The following ECT2 variants were observed in gnomAD, a reference collection of about 807,000 sequenced individuals.
ECT2 encodes epithelial cell transforming 2, also known as protein ECT2.
A neutral mutation model predicts 116.9 loss-of-function variants in ECT2; 61 were observed. That is an observed-to-expected ratio of 0.52 (90% CI 0.42 to 0.65). The LOEUF (loss-of-function observed/expected upper bound fraction) is 0.65. ECT2 is among the 30% of genes least tolerant of loss of function. ECT2 has a pLI of 0.00. For missense variants in ECT2, 937 were observed against 1,078.7 expected, an observed-to-expected ratio of 0.87 and a Z score of 1.84; for synonymous variants, 358 against 346.4, an observed-to-expected ratio of 1.03 and a Z score of -0.37.
At chr3:172,804,678 T>A (rs1727356684) in intron 20 of ECT2, among the ~76,000 whole-genome samples, 1 of 152,238 alleles carries the variant, frequency 6.6e-6, no homozygotes, top group African/African-American at 2.4e-5. Context: ...GGTTAGATTA[T>A]CTTTATTTCT....
intron 23 of ECT2, among the ~76,000 whole-genome samples, chr3:172,816,137 G>T (rs1323297855): frequency 6.6e-6 from 1 of 152,048 alleles, no homozygotes; most frequent in Non-Finnish European, 1.5e-5. Context: ...AGTTGTTGAG[G>T]ATTACATAAG....
chr3:172,785,091 G>A (rs1178658026), intron 17 of ECT2, among the ~76,000 whole-genome samples: 3 of 151,926 alleles, frequency 2.0e-5, no homozygotes, highest in African/African-American at 7.3e-5. Flanking sequence ...TTATATCCAA[G>A]TACATACAAA....
At chr3:172,758,455 C>T (rs554044654) in intron 5 of ECT2, among the ~76,000 whole-genome samples, 3 of 111,844 alleles carry the variant, frequency 2.7e-5, no homozygotes, top group Admixed American at 1.0e-4. Flanking sequence ...TATTTTTAAA[C>T]CGTTCTCTTT....
chr3:172,817,313 C>CTG (rs779611608), intron 24 of ECT2, among the ~76,000 whole-genome samples: 3 of 152,086 alleles, frequency 2.0e-5, no homozygotes, highest in Non-Finnish European at 2.9e-5. Flanking sequence ...GTAAAGGCAA[C>CTG]TGAGAAAACC....
chr3:172,771,202 T>C (rs1317761735), intron 13 of ECT2: 2 of 152,202 alleles, frequency 1.3e-5, no homozygotes, highest in African/African-American at 4.8e-5. Flanking sequence ...ATCATTTTCC[T>C]TAAAGATGAC....
At chr3:172,771,438 T>A (rs1292955647) in intron 13 of ECT2, 2 of 152,190 alleles carry the variant, frequency 1.3e-5, no homozygotes, top group Non-Finnish European at 2.9e-5. Flanking sequence ...ATATGATTGG[T>A]ACAAGTAGAG....
chr3:172,787,913 C>T (rs1204533927), intron 18 of ECT2, among the ~76,000 whole-genome samples: 2 of 152,116 alleles, frequency 1.3e-5, no homozygotes, highest in Non-Finnish European at 2.9e-5. Flanking sequence ...ATAGATTAGT[C>T]ATTTGACCTG....
chr3:172,775,859 C>T (rs1396902767), intron 14 of ECT2, among the ~76,000 whole-genome samples: 4 of 151,980 alleles, frequency 2.6e-5, no homozygotes, highest in African/African-American at 9.7e-5. Context: ...GTCTTGAACT[C>T]CTGACCTCAA....
At position 172,807,869 on chromosome 3, in the gene ECT2, A is replaced by G. The variant is rs776424238; in HGVS notation, c.2345A>G (p.Asn782Ser). ...ACATCAGATGAACTTCCAAAAGAAA[A>G]CTGGCTAAAGATGCTGTGTCGACAT... ...QMTSDELPKENWLKMLCRHVA... is the reference protein window; with the variant it reads ...QMTSDELPKESWLKMLCRHVA... The change falls in exon 22 of 25, where the codon AAC becomes AGC. Residue 782 changes from asparagine (N) to serine (S), a missense_variant. Transcript: ENST00000392692. The G allele has an allele frequency of 5.0e-6, 8 of 1,613,856 alleles. No individual in the cohort carries two copies. The Admixed American group carries it at 1.3e-4, about 27-fold the overall frequency.
chr3:172,800,315 C>T (rs887281895), intron 18 of ECT2, among the ~76,000 whole-genome samples: 2 of 152,226 alleles, frequency 1.3e-5, no homozygotes, highest in African/African-American at 4.8e-5. Context: ...TTAATAGTTG[C>T]TAAAGCAACC....
chr3:172,752,635 C>G (rs1716124225), intron 1 of ECT2, among the ~76,000 whole-genome samples: 1 of 152,088 alleles, frequency 6.6e-6, no homozygotes, highest in Non-Finnish European at 1.5e-5. Flanking sequence ...AAGGCTGTTA[C>G]AACTATTGGA....
At position 172,784,757 on chromosome 3, in the gene ECT2, T is replaced by C; in HGVS notation, c.1779T>C (p.Leu593=). 3.1e-6 allele frequency: 5 copies of C among 1,613,686 alleles called. No individual in the cohort carries two copies. The highest frequency in any genetic ancestry group is 3.3e-5 in the Admixed American group (2 of 60,016). ...GACGGCAGAGCCTTGTTGAACTTCTTATCCGACCAGTACAGAGGTTACCCA... is the reference window on the plus strand; with the variant it reads ...GACGGCAGAGCCTTGTTGAACTTCTCATCCGACCAGTACAGAGGTTACCCA... ...ECGRQSLVEL[L]IRPVQRLPSV... Residue 593 remains leucine (L), a synonymous_variant, in exon 17 of 25, where the codon CTT becomes CTC. Transcript: ENST00000392692.
At chr3:172,782,786 T>A (rs1287281039) in intron 15 of ECT2, among the ~76,000 whole-genome samples, 2 of 152,070 alleles carry the variant, frequency 1.3e-5, no homozygotes, top group African/African-American at 2.4e-5. Flanking sequence ...TGAGAACATG[T>A]GATGTTTGGT....
At chr3:172,769,288 G>C (rs1720168016) in intron 13 of ECT2, 145 bp downstream of exon 13, 1 of 749,214 alleles carries the variant, frequency 1.3e-6, no homozygotes, top group East Asian at 2.9e-5. Flanking sequence ...GACAAAAACT[G>C]CTGTTAGGGA....
chr3:172,761,777 T>A, intron 8 of ECT2, 94 bp downstream of exon 8: 1 of 796,236 alleles, frequency 1.3e-6, no homozygotes, highest in Non-Finnish European at 2.0e-6. Flanking sequence ...TTCATAGATA[T>A]AAAAACTGAA....
chr3:172,756,929 T>C (rs1717101696), intron 4 of ECT2, 54 bp from the exon 5 acceptor site: 1 of 1,411,872 alleles, frequency 7.1e-7, no homozygotes, highest in Non-Finnish European at 9.7e-7. Flanking sequence ...GAGAGACAGA[T>C]GGATTATTTG....
At chr3:172,762,109 CATT>C (rs948931918) in intron 8 of ECT2, among the ~76,000 whole-genome samples, 112 of 152,020 alleles carry the variant, frequency 7.4e-4, no homozygotes, top group African/African-American at 2.6e-3. Context: ...TGAAAGTTAT[CATT>C]ATTTTAGATT....
At chr3:172,765,091 A>C (rs1027419393) in intron 12 of ECT2, among the ~76,000 whole-genome samples, 1 of 152,188 alleles carries the variant, frequency 6.6e-6, no homozygotes, top group Admixed American at 6.5e-5. Flanking sequence ...TTGCTTTCAC[A>C]TCAGCATACT....
At chr3:172,824,068 A>T (rs1482334320), downstream of ECT2, among the ~76,000 whole-genome samples, 1 of 152,152 alleles carries the variant, frequency 6.6e-6, no homozygotes, top group African/African-American at 2.4e-5. Context: ...TTCTGAAAGA[A>T]CTATCTAGCA....
Sources: gnomAD v4.1 joint callset for allele counts (sites outside exome capture counted in the v4.1 genomes callset) on GRCh38, gnomAD v4.1.1 for gene constraint, MANE v1.5 for transcripts, NCBI Gene and HGNC (gene_info 2026-07-23, HGNC 2026-07-21) for gene names.